The following DPH6 variants were observed in gnomAD, a reference collection of about 807,000 sequenced individuals.
DPH6 encodes diphthamine biosynthesis 6.
Under a neutral mutation model 38.2 loss-of-function variants are expected in DPH6, and 33 were observed. That is an observed-to-expected ratio of 0.86 (90% confidence interval 0.65 to 1.15). The LOEUF is 1.15. Among genes scored for constraint, DPH6 ranks in the 50% most tolerant of loss-of-function variants. DPH6 has a pLI of 0.00. For synonymous variants in DPH6, 108 were observed against 103.0 expected (o/e 1.05, Z -0.30); for missense variants, 325 against 320.0 (o/e 1.02, Z -0.12).
intron 3 of DPH6, among the ~76,000 whole-genome samples, chr15:35,268,361 G>T (rs1003772091): frequency 3.3e-5 from 5 of 151,934 alleles, no homozygotes; most frequent in African/African-American, 1.2e-4. Context: ...ATATAATGTG[G>T]TAAGAATAGC....
the DPH6 span, among the ~76,000 whole-genome samples, chr15:35,207,489 A>T: frequency 5.9e-5 from 9 of 152,206 alleles, no homozygotes; most frequent in Non-Finnish European, 4.4e-5. Context: ...ATGGCTTATT[A>T]TGATATGTTT....
intron 6 of DPH6, among the ~76,000 whole-genome samples, chr15:35,391,557 C>A (rs2053057745): frequency 6.6e-6 from 1 of 152,188 alleles, no homozygotes; most frequent in South Asian, 2.1e-4. Flanking sequence ...GCCCCTCCCC[C>A]AGCCTTGCTG....
chr15:35,319,337 AT>A (rs1161314219), intron 3 of DPH6, among the ~76,000 whole-genome samples: 2 of 152,240 alleles, frequency 1.3e-5, no homozygotes, highest in Non-Finnish European at 2.9e-5. Flanking sequence ...ATTAAAAAAA[AT>A]CTTAAGATTA....
intron 3 of DPH6, among the ~76,000 whole-genome samples, chr15:35,468,767 G>C (rs1300047747): frequency 1.3e-5 from 2 of 152,112 alleles, no homozygotes; most frequent in Non-Finnish European, 2.9e-5. Context: ...CAGGAGATGA[G>C]ACTAAAAGGC....
At chr15:35,198,946 A>G in the DPH6 span, among the ~76,000 whole-genome samples, 1 of 151,504 alleles carries the variant, frequency 6.6e-6, no homozygotes, top group Non-Finnish European at 1.5e-5. Flanking sequence ...ATGGAGTTTC[A>G]TTCACTTTTG....
intron 2 of DPH6, among the ~76,000 whole-genome samples, chr15:35,540,941 C>A (rs773715900): frequency 6.6e-6 from 1 of 152,092 alleles, no homozygotes; most frequent in East Asian, 1.9e-4. Context: ...TTGCCTCCCC[C>A]TGGCCACAAG....
At chr15:35,293,625 G>A (rs2051994189) in intron 3 of DPH6, among the ~76,000 whole-genome samples, 1 of 152,186 alleles carries the variant, frequency 6.6e-6, no homozygotes, top group South Asian at 2.1e-4. Context: ...GTGACAGAAA[G>A]ATGAAACTCA....
At chr15:35,307,193 A>G (rs146836692) in intron 3 of DPH6, among the ~76,000 whole-genome samples, 4 of 152,260 alleles carry the variant, frequency 2.6e-5, no homozygotes, top group South Asian at 2.1e-4. Context: ...GGTCATCAAA[A>G]TTAACATCCC....
At chr15:35,520,923 C>G in intron 3 of DPH6, 3 of 985,138 alleles carry the variant, frequency 3.0e-6, no homozygotes, top group Non-Finnish European at 3.6e-6. Flanking sequence ...TCTCAAAATT[C>G]CAGAGAGATT....
At chr15:35,324,564 C>G (rs1160851429) in intron 3 of DPH6, among the ~76,000 whole-genome samples, 5 of 152,140 alleles carry the variant, frequency 3.3e-5, no homozygotes, top group Non-Finnish European at 7.4e-5. Flanking sequence ...CTTCGAAAGA[C>G]AGCTCTTATA....
Position 35,373,490 on chromosome 15 carries a change from T to C in DPH6, c.750+31A>G, listed in dbSNP as rs367913149. The C allele has an allele frequency of 1.9e-6, 3 of 1,571,292 alleles. No individual in the cohort carries two copies. In the African/African-American group the frequency reaches 4.1e-5, roughly 22 times the overall value. ...CAATGTATATATCTCAAATTTCTATTGAAATCACTGTGAATCTTAGATTTA... is the reference window on the plus strand; with the variant it reads ...CAATGTATATATCTCAAATTTCTATCGAAATCACTGTGAATCTTAGATTTA... On this transcript the variant is annotated intron_variant, in intron 8 of 8. Coordinates refer to ENST00000256538, the MANE Select transcript of DPH6 (RefSeq NM_080650.4).
intron 5 of DPH6, among the ~76,000 whole-genome samples, chr15:35,429,272 T>C (rs2053604679): frequency 6.6e-6 from 1 of 152,154 alleles, no homozygotes; most frequent in African/African-American, 2.4e-5. Context: ...TCAGTGCTAT[T>C]GTTTAGCAAT....
At chr15:35,178,604 A>G in the DPH6 span, among the ~76,000 whole-genome samples, 15 of 152,236 alleles carry the variant, frequency 9.9e-5, no homozygotes, top group Non-Finnish European at 1.8e-4. Flanking sequence ...GCCAAACCAT[A>G]TAATATACCA....
At chr15:35,415,320 C>T (rs1239481345) in intron 5 of DPH6, among the ~76,000 whole-genome samples, 1 of 151,818 alleles carries the variant, frequency 6.6e-6, no homozygotes, top group East Asian at 1.9e-4. Context: ...AAAAGTCTCC[C>T]ATGATTGAAT....
chr15:35,186,520 T>C, the DPH6 span, among the ~76,000 whole-genome samples: 1 of 152,000 alleles, frequency 6.6e-6, no homozygotes, highest in Admixed American at 6.5e-5. Flanking sequence ...TCACTGATAC[T>C]CACAGCAGGA....
At chr15:35,311,080 C>CAACAACAA (rs1555392422) in intron 3 of DPH6, among the ~76,000 whole-genome samples, 8 of 134,302 alleles carry the variant, frequency 6.0e-5, no homozygotes, top group Admixed American at 1.5e-4. Flanking sequence ...ACAACAACAA[C>CAACAACAA]AAAAAAAAAA....
At chr15:35,536,913 C>T (rs2055177842) in intron 3 of DPH6, among the ~76,000 whole-genome samples, 2 of 152,120 alleles carry the variant, frequency 1.3e-5, no homozygotes, top group Middle Eastern at 3.4e-3. Flanking sequence ...TGTTTATTAG[C>T]ATGTATCTTC....
chr15:35,451,706 T>C (rs1179900644), intron 4 of DPH6, among the ~76,000 whole-genome samples: 1 of 152,186 alleles, frequency 6.6e-6, no homozygotes, highest in East Asian at 1.9e-4. Flanking sequence ...GCAGCCAATG[T>C]GATCCTTTTA....
chr15:35,237,260 A>G, intron 3 of DPH6: 2 of 1,434,762 alleles, frequency 1.4e-6, no homozygotes, highest in South Asian at 1.1e-5. Context: ...TGAAAGTGCT[A>G]AAACGCGCGG....
Sources: gnomAD v4.1 joint callset for allele counts (sites outside exome capture counted in the v4.1 genomes callset) on GRCh38, gnomAD v4.1.1 for gene constraint, MANE v1.5 for transcripts, NCBI Gene and HGNC (gene_info 2026-07-23, HGNC 2026-07-21) for gene names.